The following SFMBT2 variants were observed in gnomAD, a reference collection of about 807,000 sequenced individuals.
SFMBT2 encodes the protein scm-like with four MBT domains protein 2.
Under a neutral mutation model 110.1 loss-of-function variants are expected in SFMBT2, and 38 were observed. That is an observed-to-expected ratio of 0.35 (90% CI 0.27 to 0.45). The LOEUF is 0.45. Ranked by LOEUF, SFMBT2 falls within the 20% of genes least tolerant of loss-of-function variation. The probability of loss-of-function intolerance (pLI) is 1.00; values close to 1 mark genes in which losing one functional copy is unlikely to be tolerated. For missense variants in SFMBT2, 1,011 were observed against 1,094.9 expected (o/e 0.92, Z 1.08); for synonymous variants, 425 against 425.4 (o/e 1.00, Z 0.01).
intron 4 of SFMBT2, among the ~76,000 whole-genome samples, chr10:7,340,775 C>T (rs1310639320): frequency 6.7e-6 from 1 of 148,728 alleles, no homozygotes; most frequent in African/African-American, 2.5e-5. Flanking sequence ...TGGGAGCACA[C>T]TGCCAACCAG....
At chr10:7,164,831 C>A (rs145480791) in intron 20 of SFMBT2, among the ~76,000 whole-genome samples, 2 of 151,962 alleles carry the variant, frequency 1.3e-5, no homozygotes, top group African/African-American at 4.8e-5. Context: ...AGGTGTCGCT[C>A]GTACACAGAT....
At chr10:7,284,393 AAC>A in intron 5 of SFMBT2, 2 of 1,251,898 alleles carry the variant, frequency 1.6e-6, no homozygotes, top group South Asian at 2.6e-5. Context: ...AATAGAAAAT[AAC>A]AGTTTGTGCT....
intron 2 of SFMBT2, among the ~76,000 whole-genome samples, chr10:7,371,281 G>A (rs746851114): frequency 2.6e-5 from 4 of 151,930 alleles, no homozygotes; most frequent in Admixed American, 1.3e-4. Flanking sequence ...GCATCACCAC[G>A]CCCAACAAAT....
rs1005180911 is a variant in SFMBT2 at position 7,379,646 on chromosome 10, G to C, written c.100+2153C>G. Among the ~76,000 whole-genome samples, 10 of 150,834 alleles carry C rather than the reference G, an allele frequency of 6.6e-5. No homozygotes were observed. In the Admixed American group the frequency reaches 6.7e-4, roughly 10 times the overall value. ...GACAGATTAGCCACATGGGGGTGGA[G>C]AAAAATCTGAGCCAATATCTGAAAA... On this transcript the variant is annotated intron_variant, in intron 2 of 20. Transcript: ENST00000397167.
intron 9 of SFMBT2, among the ~76,000 whole-genome samples, chr10:7,228,621 C>G (rs988223934): frequency 1.3e-5 from 2 of 152,146 alleles, no homozygotes. Context: ...ATTTGAACAA[C>G]AACTCTTCAT....
At chr10:7,295,164 G>A (rs988313794) in intron 4 of SFMBT2, 2 of 152,116 alleles carry the variant, frequency 1.3e-5, no homozygotes, top group African/African-American at 4.8e-5. Context: ...ATCTTCCATA[G>A]AATTATAATT....
intron 6 of SFMBT2, among the ~76,000 whole-genome samples, chr10:7,278,687 A>T (rs561348153): frequency 6.6e-6 from 1 of 152,328 alleles, no homozygotes; most frequent in South Asian, 2.1e-4. Context: ...AAAAAGGAAA[A>T]GCATGATCTA....
At chr10:7,184,067 C>G (rs1448715402) in intron 16 of SFMBT2, among the ~76,000 whole-genome samples, 1 of 152,204 alleles carries the variant, frequency 6.6e-6, no homozygotes, top group East Asian at 1.9e-4. Flanking sequence ...CCTTCCACTT[C>G]CTTCCCATTA....
chr10:7,410,048 C>A (rs1846330630), intron 1 of SFMBT2, among the ~76,000 whole-genome samples: 1 of 152,126 alleles, frequency 6.6e-6, no homozygotes, highest in African/African-American at 2.4e-5. Context: ...AAAACATACA[C>A]ACACATACAC....
chr10:7,196,010 G>C (rs912383961), intron 15 of SFMBT2, among the ~76,000 whole-genome samples: 4 of 151,938 alleles, frequency 2.6e-5, no homozygotes, highest in Non-Finnish European at 4.4e-5. Flanking sequence ...CTTTAACTAC[G>C]AATACCACTG....
chr10:7,280,394 G>A (rs1000171324), intron 6 of SFMBT2, among the ~76,000 whole-genome samples: 3 of 149,344 alleles, frequency 2.0e-5, no homozygotes, highest in African/African-American at 5.1e-5. Context: ...AAAATGGGGG[G>A]AGGGGGTGAT....
chr10:7,197,758 G>A, intron 14 of SFMBT2, 71 bp from the exon 15 acceptor site: 2 of 1,542,326 alleles, frequency 1.3e-6, no homozygotes. Flanking sequence ...CTAGACCCTT[G>A]CTTCATCCAC....
Position 7,163,767 on chromosome 10 carries a change from G to A in SFMBT2, c.*3C>T. On this transcript the variant is annotated 3_prime_UTR_variant, in exon 21 of 21. Coordinates refer to ENST00000397167, the MANE Select transcript of SFMBT2 (RefSeq NM_001387889.1). This position sits in a 1 kb window ranked among gnomAD's most constrained non-coding sequence, Gnocchi z 4.8. ...AATAATGGGCCACCTCCCGAGGGCA[G>A]ACTCAGTTGGCGTACTGGGCGTAGA... 1.2e-6 allele frequency: 2 copies of A among 1,613,664 alleles called. No homozygotes were observed. Among genetic ancestry groups the A allele is most frequent in the Non-Finnish European group, 1.7e-6 (2 of 1,179,694 alleles).
At position 7,406,836 on chromosome 10, in the gene SFMBT2, T is replaced by C. The variant is rs145890176; in HGVS notation, c.-52+4025A>G. ...CTCAGCAGGCCTCCACCGGCACTTC[T>C]ACAGCAACACACATCAGAACAGAGT... On this transcript the variant is annotated intron_variant, in intron 1 of 20. Coordinates refer to ENST00000397167, the MANE Select transcript of SFMBT2 (RefSeq NM_001387889.1). 2.5e-3 allele frequency among the ~76,000 whole-genome samples: 386 copies of C among 152,320 alleles called. 1 individual carries two copies. The highest frequency in any genetic ancestry group is 8.9e-3 in the African/African-American group (372 of 41,572).
At chr10:7,369,482 A>G (rs1357441501) in intron 3 of SFMBT2, among the ~76,000 whole-genome samples, 1 of 152,250 alleles carries the variant, frequency 6.6e-6, no homozygotes, top group Non-Finnish European at 1.5e-5. Flanking sequence ...CTGACTTTTT[A>G]AAAATTTTCT....
chr10:7,224,164 C>T (rs983680414), intron 10 of SFMBT2, among the ~76,000 whole-genome samples: 2 of 152,128 alleles, frequency 1.3e-5, no homozygotes, highest in South Asian at 4.1e-4. Context: ...GTTGTGGCGA[C>T]TCTGGATTAC....
intron 4 of SFMBT2, among the ~76,000 whole-genome samples, chr10:7,352,217 C>T (rs1437970731): frequency 6.6e-6 from 1 of 152,222 alleles, no homozygotes; most frequent in Non-Finnish European, 1.5e-5. Context: ...CCTTTCTATT[C>T]ATCCACAGGC....
chr10:7,209,737 C>A (rs1839273422), intron 11 of SFMBT2, among the ~76,000 whole-genome samples: 1 of 152,198 alleles, frequency 6.6e-6, no homozygotes, highest in Non-Finnish European at 1.5e-5. Flanking sequence ...CAGTGGGTGT[C>A]CACAGGGAAA....
At chr10:7,336,345 A>T (rs1422213305) in intron 4 of SFMBT2, among the ~76,000 whole-genome samples, 2 of 152,240 alleles carry the variant, frequency 1.3e-5, no homozygotes, top group Non-Finnish European at 2.9e-5. Flanking sequence ...TGGCTTGCCT[A>T]AGAAAATCAA....
Sources: gnomAD v4.1 joint callset for allele counts (sites outside exome capture counted in the v4.1 genomes callset) on GRCh38, gnomAD v4.1.1 for gene constraint, Gnocchi (gnomAD v3.1) non-coding constraint, MANE v1.5 for transcripts, NCBI Gene and HGNC (gene_info 2026-07-23, HGNC 2026-07-21) for gene names.